Variants in MNS1 observed in about 807,000 individuals in gnomAD.
MNS1 encodes the protein meiosis specific nuclear structural 1, also known as meiosis-specific nuclear structural protein 1.
Under a neutral mutation model 72.0 loss-of-function variants are expected in MNS1, and 63 were observed. That is an observed-to-expected ratio of 0.87 (90% CI 0.71 to 1.08). The LOEUF is 1.08. MNS1 is among the 50% of genes least tolerant of loss of function. MNS1 has a pLI of 0.00. For missense variants in MNS1, 604 were observed against 562.4 expected, an observed-to-expected ratio of 1.07 and a Z score of -0.75; for synonymous variants, 188 against 172.1, an observed-to-expected ratio of 1.09 and a Z score of -0.72.
chr15:56,430,485 C>A (rs1408576697), intron 9 of MNS1, among the ~76,000 whole-genome samples: 1 of 152,168 alleles, frequency 6.6e-6, no homozygotes, highest in Non-Finnish European at 1.5e-5. Context: ...GGATTATAGG[C>A]ATGAGTTGCC....
chr15:56,428,819 T>G lies in MNS1; in HGVS notation c.*282A>C, dbSNP rs546914444. On this transcript the variant is annotated 3_prime_UTR_variant, in exon 10 of 10. Coordinates refer to ENST00000260453, the MANE Select transcript of MNS1 (RefSeq NM_018365.4). ...AAGGCAGTTCACTTTGGGGTAGAGT[T>G]CTGTATTAGTCAAGGTAAATATACT... 2 of 376,552 alleles carry G rather than the reference T, an allele frequency of 5.3e-6. No homozygotes were observed. The highest frequency in any genetic ancestry group is 4.9e-5 in the East Asian group (1 of 20,492). The allele number at this position is 376,552 out of a possible 1,614,324, so 23.3% of individuals were successfully genotyped here. A position where few individuals can be genotyped will look rare whatever the true frequency, so the allele number is the denominator to read the frequency against.
intron 8 of MNS1, among the ~76,000 whole-genome samples, chr15:56,432,657 T>G (rs562990452): frequency 6.6e-6 from 1 of 152,298 alleles, no homozygotes; most frequent in Non-Finnish European, 1.5e-5. Flanking sequence ...TGATTTCCAT[T>G]TAGTTTTTAG....
intron 2 of MNS1, among the ~76,000 whole-genome samples, chr15:56,458,634 A>G (rs540852099): frequency 6.6e-6 from 1 of 152,222 alleles, no homozygotes; most frequent in Non-Finnish European, 1.5e-5. Flanking sequence ...AAAATCCTAA[A>G]AACAACTTAC....
chr15:56,452,148 T>C (rs764315805), intron 3 of MNS1, among the ~76,000 whole-genome samples: 2 of 152,152 alleles, frequency 1.3e-5, no homozygotes, highest in Non-Finnish European at 2.9e-5. Flanking sequence ...AAGACCACCA[T>C]CAGGTTAGAT....
chr15:56,447,793 T>C (rs1392211305), intron 3 of MNS1: 1 of 152,152 alleles, frequency 6.6e-6, no homozygotes, highest in African/African-American at 2.4e-5. Flanking sequence ...TATAAACCTG[T>C]GGTACCTCTC....
At chr15:56,439,807 A>T (rs2050788985) in intron 7 of MNS1, among the ~76,000 whole-genome samples, 1 of 151,826 alleles carries the variant, frequency 6.6e-6, no homozygotes, top group Admixed American at 6.6e-5. Context: ...CCTTTAGGAA[A>T]AAAAAAAGGA....
chr15:56,444,279 CGG>C (rs1328154410), intron 5 of MNS1, among the ~76,000 whole-genome samples, 163 bp downstream of exon 5: 3 of 151,998 alleles, frequency 2.0e-5, no homozygotes, highest in Non-Finnish European at 2.9e-5. Context: ...ATTATGCTAA[CGG>C]AGATGAGAAG....
At chr15:56,464,876 A>T in intron 1 of MNS1, 94 bp downstream of exon 1, 2 of 1,544,816 alleles carry the variant, frequency 1.3e-6, no homozygotes, top group Non-Finnish European at 1.8e-6. Flanking sequence ...TGACCAGATT[A>T]AGCACTTAAA....
At chr15:56,440,262 T>C (rs568312433) in intron 7 of MNS1, among the ~76,000 whole-genome samples, 78 of 152,246 alleles carry the variant, frequency 5.1e-4, no homozygotes, top group African/African-American at 1.8e-3. Context: ...TAAAAAATTG[T>C]TGAGCTTCTG....
chr15:56,445,646 C>A (rs531365727), intron 4 of MNS1: 1 of 151,416 alleles, frequency 6.6e-6, no homozygotes, highest in African/African-American at 2.4e-5. Flanking sequence ...ACACACTTAC[C>A]GAAAACAATG....
Position 56,444,111 on chromosome 15 carries a change from C to T in MNS1, c.687-257G>A, listed in dbSNP as rs146536906. Among the ~76,000 whole-genome samples, 396 of 152,088 alleles carry T rather than the reference C, an allele frequency of 2.6e-3. 3 individuals are homozygous for T. The highest frequency in any genetic ancestry group is 9.1e-3 in the African/African-American group (377 of 41,550). ...TTTCATAAAGGCTACAATCTGTTAA[C>T]ATTAGCTTTGCAGCACTCTATACTT... is the stretch of plus-strand genomic sequence containing the variant. On this transcript the variant is annotated intron_variant, in intron 5 of 9. Transcript: ENST00000260453.
intron 2 of MNS1, among the ~76,000 whole-genome samples, chr15:56,458,467 C>T (rs796256998): frequency 1.9e-4 from 29 of 152,198 alleles, no homozygotes; most frequent in African/African-American, 6.3e-4. Flanking sequence ...ACCTATGCAT[C>T]ATTATCACGC....
chr15:56,434,082 A>G, intron 8 of MNS1, 56 bp downstream of exon 8: 23 of 1,536,908 alleles, frequency 1.5e-5, no homozygotes, highest in Non-Finnish European at 2.0e-5. Context: ...TGGATGATAG[A>G]TGAGCTATTG....
chr15:56,443,846 TG>T lies in MNS1; in HGVS notation c.694del (p.Gln232AsnfsTer4). 6.3e-7 allele frequency: 1 copy of T among 1,596,950 alleles called. No homozygotes were observed. The highest frequency in any genetic ancestry group is 8.5e-7 in the Non-Finnish European group (1 of 1,174,528). On this transcript the variant is annotated frameshift_variant, in exon 6 of 10. Coordinates refer to ENST00000260453, the MANE Select transcript of MNS1 (RefSeq NM_018365.4). LOFTEE classifies it high-confidence loss of function. ...KIYEEDQLEK[Q>X]QKLEKMNAMR... ...TGCATTCATTTTTTCTAACTTTTGT[TG>T]TTTTTCCCTGAAAAGCAATAACAAG...
At chr15:56,444,699 T>G in intron 4 of MNS1, 26 bp from the exon 5 acceptor site, 1 of 1,575,876 alleles carries the variant, frequency 6.3e-7, no homozygotes, top group Non-Finnish European at 8.7e-7. Flanking sequence ...AATTGATCTT[T>G]CCGTTTTCAA....
At position 56,438,819 on chromosome 15, in the gene MNS1, A is replaced by G. The variant is rs187511793; in HGVS notation, c.1012-4424T>C. On this transcript the variant is annotated intron_variant, in intron 7 of 9. Coordinates refer to ENST00000260453, the MANE Select transcript of MNS1 (RefSeq NM_018365.4). ...GAAAAAATCAAACAACCCCATCAAA[A>G]AGTGGGCGAAGGATATGAATAGACA... Among the ~76,000 whole-genome samples, 305 of 152,278 alleles carry G rather than the reference A, an allele frequency of 2.0e-3. 5 individuals are homozygous for G. The highest frequency in any genetic ancestry group is 7.0e-3 in the African/African-American group (292 of 41,570).
chr15:56,441,945 G>A (rs577718496), intron 7 of MNS1, among the ~76,000 whole-genome samples: 3 of 152,044 alleles, frequency 2.0e-5, no homozygotes, highest in South Asian at 2.1e-4. Context: ...GCGTGAACCC[G>A]GGAGGCATAG....
chr15:56,463,707 C>T (rs1315214369), intron 2 of MNS1: 2 of 221,036 alleles, frequency 9.0e-6, no homozygotes, highest in East Asian at 2.2e-4. Context: ...GCTTGAACCC[C>T]GGAGGCAGAG....
chr15:56,464,016 TA>T lies in MNS1; in HGVS notation c.225+9del. ...TGAAAAAAAAAGTAACAATGAATAGTAAAACTTACCTTTTGAATGGCCTCTT... is the reference window on the plus strand; with the variant it reads ...TGAAAAAAAAAGTAACAATGAATAGTAAACTTACCTTTTGAATGGCCTCTT... On this transcript the variant is annotated intron_variant, in intron 2 of 9. Transcript: ENST00000260453. 1 of 1,596,782 alleles carries T rather than the reference TA, an allele frequency of 6.3e-7. No individual in the cohort carries two copies. Among genetic ancestry groups the T allele is most frequent in the Non-Finnish European group, 8.5e-7 (1 of 1,171,812 alleles).
Sources: allele counts gnomAD v4.1 joint callset (sites outside exome capture counted in the v4.1 genomes callset), GRCh38; gene constraint gnomAD v4.1.1; transcripts MANE v1.5; gene names NCBI Gene and HGNC (gene_info 2026-07-23, HGNC 2026-07-21).